RUNX2: variants seen among roughly 807,000 people sequenced by gnomAD.
RUNX2 encodes RUNX family transcription factor 2.
RUNX2 carries 10 observed loss-of-function variants against 51.7 expected under a neutral mutation model. The observed-to-expected ratio is 0.19, with a 90% CI of 0.12 to 0.33. The LOEUF is 0.33. Among genes scored for constraint, RUNX2 ranks in the 10% least tolerant of loss-of-function variants. The pLI is 1.00. For synonymous variants in RUNX2, 276 were observed against 273.6 expected (o/e 1.01, Z -0.09); for missense variants, 562 against 691.3 (o/e 0.81, Z 2.10).
chr6:45,446,248 G>A (rs925419884), intron 5 of RUNX2, among the ~76,000 whole-genome samples: 3 of 152,134 alleles, frequency 2.0e-5, no homozygotes, highest in African/African-American at 7.2e-5. Flanking sequence ...TGTTAACAAG[G>A]TGCTGTAGCT....
intron 7 of RUNX2, among the ~76,000 whole-genome samples, chr6:45,520,466 G>A (rs1479687372): frequency 1.3e-5 from 2 of 152,134 alleles, no homozygotes; most frequent in African/African-American, 2.4e-5. Context: ...TGACTGCTTA[G>A]TTGTCTCCCA....
At chr6:45,406,445 C>T (rs1335140478) in intron 2 of RUNX2, among the ~76,000 whole-genome samples, 5 of 152,138 alleles carry the variant, frequency 3.3e-5, no homozygotes, top group Non-Finnish European at 5.9e-5. Context: ...AAGAGTCTCT[C>T]ACTCTGTCAC....
chr6:45,550,132 T>C lies in RUNX2; in HGVS notation c.*2827T>C, dbSNP rs1802522243. ...CTAGTTCCTGGGAATTAAAATAGCG[T>C]GGTTCTCTTTGTAGCACAAACATTG... On this transcript the variant is annotated 3_prime_UTR_variant, in exon 9 of 9. Transcript: ENST00000647337. The C allele has an allele frequency of 6.6e-6, 1 of 152,604 alleles. No homozygotes were observed. Among genetic ancestry groups the C allele is most frequent in the Non-Finnish European group, 1.5e-5 (1 of 68,040 alleles). The allele number at this position is 152,604 out of a possible 1,614,324, so 9.5% of individuals were successfully genotyped here. A position where few individuals can be genotyped will look rare whatever the true frequency, so the allele number is the denominator to read the frequency against.
At chr6:45,373,858 C>T (rs926483057) in intron 2 of RUNX2, among the ~76,000 whole-genome samples, 5 of 152,084 alleles carry the variant, frequency 3.3e-5, no homozygotes, top group Non-Finnish European at 7.4e-5. Flanking sequence ...CAGCCTGTGA[C>T]TTACAATATT....
intron 7 of RUNX2, among the ~76,000 whole-genome samples, chr6:45,519,746 C>T (rs187962627): frequency 6.6e-6 from 1 of 150,632 alleles, no homozygotes; most frequent in East Asian, 1.9e-4. Flanking sequence ...CATTCTACCC[C>T]GAATTGCATT....
intron 2 of RUNX2, among the ~76,000 whole-genome samples, chr6:45,412,000 G>C (rs1211466051): frequency 6.6e-6 from 1 of 151,944 alleles, no homozygotes; most frequent in African/African-American, 2.4e-5. Flanking sequence ...TAGACTTGTT[G>C]ATTATCTATG....
At chr6:45,528,013 C>T (rs948879803) in intron 7 of RUNX2, among the ~76,000 whole-genome samples, 9 of 152,038 alleles carry the variant, frequency 5.9e-5, no homozygotes, top group Admixed American at 2.0e-4. Context: ...TGGCAAAACG[C>T]GAAAGAGGAG....
At chr6:45,362,106 G>A (rs1471499421) in intron 2 of RUNX2, among the ~76,000 whole-genome samples, 1 of 152,114 alleles carries the variant, frequency 6.6e-6, no homozygotes, top group Non-Finnish European at 1.5e-5. Context: ...TGCCTCACTG[G>A]TGATATTCAC....
At chr6:45,510,761 A>G (rs73737445) in intron 6 of RUNX2, among the ~76,000 whole-genome samples, 9,625 of 151,754 alleles carry the variant, frequency 0.063, 426 homozygotes, top group African/African-American at 0.12. Context: ...ATATATATGT[A>G]TATAAAATAA....
chr6:45,375,419 A>G (rs1258271754), intron 2 of RUNX2, among the ~76,000 whole-genome samples: 2 of 152,204 alleles, frequency 1.3e-5, no homozygotes, highest in African/African-American at 4.8e-5. Context: ...AAGATACTAT[A>G]GTCACCCATA....
At chr6:45,476,439 GC>G (rs528000277) in intron 5 of RUNX2, among the ~76,000 whole-genome samples, 49 of 152,230 alleles carry the variant, frequency 3.2e-4, no homozygotes, top group Admixed American at 3.2e-3. Flanking sequence ...CATCTTTGAT[GC>G]TGACTCTGAT....
chr6:45,414,460 A>G (rs1276227417), intron 2 of RUNX2, among the ~76,000 whole-genome samples: 1 of 152,230 alleles, frequency 6.6e-6, no homozygotes, highest in Non-Finnish European at 1.5e-5. Flanking sequence ...GCAATAATTA[A>G]ATAAGTTTGT....
intron 2 of RUNX2, among the ~76,000 whole-genome samples, chr6:45,408,895 C>T (rs996969250): frequency 5.9e-5 from 9 of 152,104 alleles, no homozygotes; most frequent in Non-Finnish European, 1.3e-4. Context: ...GACACATGGG[C>T]TAGAATGGGT....
intron 3 of RUNX2, among the ~76,000 whole-genome samples, chr6:45,423,329 C>T (rs1014803957): frequency 4.6e-5 from 7 of 152,156 alleles, no homozygotes; most frequent in Non-Finnish European, 8.8e-5. Flanking sequence ...GGACTTGCTC[C>T]ACCCCGCCCC....
At chr6:45,478,804 T>C (rs1310485596) in intron 5 of RUNX2, among the ~76,000 whole-genome samples, 6 of 152,224 alleles carry the variant, frequency 3.9e-5, no homozygotes, top group African/African-American at 1.4e-4. Context: ...GCAGAACCCA[T>C]GTCTCCTTTC....
At chr6:45,431,523 A>G (rs1200134469) in intron 3 of RUNX2, among the ~76,000 whole-genome samples, 1 of 152,176 alleles carries the variant, frequency 6.6e-6, no homozygotes, top group Admixed American at 6.5e-5. Context: ...GATCTGTATG[A>G]TGCAATCTGC....
At chr6:45,391,368 G>A (rs1797466501) in intron 2 of RUNX2, among the ~76,000 whole-genome samples, 1 of 152,178 alleles carries the variant, frequency 6.6e-6, no homozygotes, top group Non-Finnish European at 1.5e-5. Flanking sequence ...CCTGTGATGA[G>A]CCTGCACCTG....
chr6:45,357,586 CA>C (rs971012917), intron 2 of RUNX2, among the ~76,000 whole-genome samples: 19 of 152,120 alleles, frequency 1.2e-4, no homozygotes, highest in African/African-American at 4.3e-4. Context: ...GTCAGCCCCT[CA>C]AAAGTGCTGG....
intron 2 of RUNX2, among the ~76,000 whole-genome samples, chr6:45,352,342 TC>T (rs759427561): frequency 1.3e-5 from 2 of 152,174 alleles, no homozygotes; most frequent in Non-Finnish European, 2.9e-5. Context: ...GTAGTTTTTT[TC>T]AGAAAAGAAA....
Sources: allele counts gnomAD v4.1 joint callset (sites outside exome capture counted in the v4.1 genomes callset), GRCh38; gene constraint gnomAD v4.1.1; transcripts MANE v1.5; gene names NCBI Gene and HGNC (gene_info 2026-07-23, HGNC 2026-07-21).